Variants in PKNOX2 observed in about 807,000 individuals in gnomAD.
The protein encoded by PKNOX2 is homeobox protein PKNOX2.
PKNOX2 carries 14 observed loss-of-function variants against 53.1 expected under a neutral mutation model. That is an observed-to-expected ratio of 0.26 (90% CI 0.17 to 0.41). The LOEUF is 0.41. Ranked by LOEUF, PKNOX2 falls within the 10% of genes least tolerant of loss-of-function variation. The probability of loss-of-function intolerance (pLI) is 1.00; values close to 1 mark genes in which losing one functional copy is unlikely to be tolerated. For missense variants in PKNOX2, 496 were observed against 602.8 expected (o/e 0.82, Z 1.85); for synonymous variants, 257 against 242.8 (o/e 1.06, Z -0.54).
intron 2 of PKNOX2, among the ~76,000 whole-genome samples, chr11:125,250,064 T>C (rs1043964241): frequency 9.2e-5 from 4 of 43,444 alleles, no homozygotes; most frequent in South Asian, 1.0e-3. Flanking sequence ...AAACTCTGTC[T>C]CAAAAAAAAA....
chr11:125,233,758 A>C (rs913289591), intron 1 of PKNOX2, among the ~76,000 whole-genome samples: 3 of 152,208 alleles, frequency 2.0e-5, no homozygotes, highest in Non-Finnish European at 4.4e-5. Context: ...CCCATGCCTG[A>C]ATCTTCTAAC....
chr11:125,184,553 G>A (rs1956339267), intron 1 of PKNOX2, among the ~76,000 whole-genome samples: 1 of 152,198 alleles, frequency 6.6e-6, no homozygotes, highest in African/African-American at 2.4e-5. Flanking sequence ...AGACCCTACT[G>A]TGTGGTGGGG....
At chr11:125,272,090 C>T (rs2135795746) in intron 2 of PKNOX2, among the ~76,000 whole-genome samples, 1 of 152,364 alleles carries the variant, frequency 6.6e-6, no homozygotes, top group Middle Eastern at 3.4e-3. Flanking sequence ...ACCCTGGCCT[C>T]ATGCCTACTC....
intron 1 of PKNOX2, 46 bp downstream of exon 1, chr11:125,164,822 C>T: frequency 5.6e-6 from 1 of 178,360 alleles, no homozygotes; most frequent in Non-Finnish European, 1.1e-5. Context: ...TTGCAGGCGG[C>T]GGCGGCGGCG....
chr11:125,385,812 T>C (rs1200875896), intron 6 of PKNOX2, 90 bp downstream of exon 6: 1 of 1,469,764 alleles, frequency 6.8e-7, no homozygotes, highest in African/African-American at 1.5e-5. Context: ...TTCATTAATT[T>C]ACCAACAAAA....
intron 2 of PKNOX2, among the ~76,000 whole-genome samples, chr11:125,248,915 TAA>T (rs1943782002): frequency 8.3e-6 from 1 of 120,546 alleles, no homozygotes; most frequent in Admixed American, 8.4e-5. Context: ...CGTATATATA[TAA>T]CATATATAAT....
intron 5 of PKNOX2, among the ~76,000 whole-genome samples, chr11:125,372,875 G>A (rs1399196837): frequency 6.6e-6 from 1 of 152,228 alleles, no homozygotes; most frequent in Non-Finnish European, 1.5e-5. Flanking sequence ...GACCACCAGA[G>A]AGCTCATGCT....
At chr11:125,214,199 G>A (rs973500303) in intron 1 of PKNOX2, among the ~76,000 whole-genome samples, 1 of 152,086 alleles carries the variant, frequency 6.6e-6, no homozygotes, top group Non-Finnish European at 1.5e-5. Context: ...CTCTTGGAGG[G>A]TGGCTTGGAA....
chr11:125,417,702 C>T lies in PKNOX2; in HGVS notation c.936+5837C>T, dbSNP rs972258906. Among the ~76,000 whole-genome samples, 59 of 152,072 alleles carry T rather than the reference C, an allele frequency of 3.9e-4. 1 individual carries two copies. Among genetic ancestry groups the T allele is most frequent in the African/African-American group, 1.3e-3 (55 of 41,292 alleles). ...TGGGTAAAGCAAAGGGGAACCCCAA[C>T]GCCCAGCAGAGGCGTGGAGCCCCGT... is the stretch of plus-strand genomic sequence containing the variant. On this transcript the variant is annotated intron_variant, in intron 10 of 12. Transcript: ENST00000298282.
At chr11:125,378,086 G>A (rs1241076064) in intron 5 of PKNOX2, among the ~76,000 whole-genome samples, 1 of 152,234 alleles carries the variant, frequency 6.6e-6, no homozygotes, top group Non-Finnish European at 1.5e-5. Flanking sequence ...GTCTGTTTGG[G>A]AAAGTAGTTT....
chr11:125,269,733 C>T, intron 2 of PKNOX2, among the ~76,000 whole-genome samples: 1 of 152,216 alleles, frequency 6.6e-6, no homozygotes, highest in Admixed American at 6.5e-5. Context: ...TGGTCCAGGT[C>T]TCTTCAAGTG....
At chr11:125,181,451 C>T (rs376710421) in intron 1 of PKNOX2, among the ~76,000 whole-genome samples, 1 of 150,058 alleles carries the variant, frequency 6.7e-6, no homozygotes, top group Admixed American at 6.7e-5. Flanking sequence ...AGGCTTTGCC[C>T]TCTTGGTTTT....
chr11:125,316,177 C>T (rs950184101), intron 2 of PKNOX2, among the ~76,000 whole-genome samples: 3 of 152,186 alleles, frequency 2.0e-5, no homozygotes, highest in African/African-American at 7.2e-5. Flanking sequence ...CATTCCCAGC[C>T]AGTTGCTACT....
Position 125,165,378 on chromosome 11 carries a change from C to T in PKNOX2, c.-201+602C>T, listed in dbSNP as rs2135147757. ...CGGCCGGGCGCTCCGCGGGGAGAGG[C>T]TGGGAACCGCGGGCAGGCTCCAGGT... On this transcript the variant is annotated intron_variant, in intron 1 of 12. Coordinates refer to ENST00000298282, the MANE Select transcript of PKNOX2 (RefSeq NM_001382323.2). The surrounding 1 kb of genome is among the most constrained non-coding windows in gnomAD (Gnocchi z 4.5). Among the ~76,000 whole-genome samples, 1 of 152,236 alleles carries T rather than the reference C, an allele frequency of 6.6e-6. No homozygotes were observed. The highest frequency in any genetic ancestry group is 2.1e-4 in the South Asian group (1 of 4,830).
chr11:125,302,658 A>G (rs909289951), intron 2 of PKNOX2, among the ~76,000 whole-genome samples: 9 of 152,174 alleles, frequency 5.9e-5, no homozygotes, highest in Non-Finnish European at 1.2e-4. Flanking sequence ...CCCTGTTGCC[A>G]GGAGTCATCA....
At chr11:125,350,806 G>T (rs1032306518) in intron 3 of PKNOX2, among the ~76,000 whole-genome samples, 2 of 152,142 alleles carry the variant, frequency 1.3e-5, no homozygotes, top group African/African-American at 4.8e-5. Context: ...GAATCCCGTA[G>T]CTGGCCTGAG....
At chr11:125,415,508 C>T (rs1297268943) in intron 10 of PKNOX2, among the ~76,000 whole-genome samples, 1 of 152,084 alleles carries the variant, frequency 6.6e-6, no homozygotes, top group Non-Finnish European at 1.5e-5. Context: ...CTTGGCCTGC[C>T]ATAGTGTATT....
At chr11:125,222,787 A>ATG (rs760294528) in intron 1 of PKNOX2, among the ~76,000 whole-genome samples, 37 of 134,684 alleles carry the variant, frequency 2.7e-4, no homozygotes, top group East Asian at 1.3e-3. Flanking sequence ...GTATGTGTGT[A>ATG]TGTGTGTGTG....
chr11:125,176,778 A>C (rs905063164), intron 1 of PKNOX2, among the ~76,000 whole-genome samples: 1 of 152,164 alleles, frequency 6.6e-6, no homozygotes, highest in Non-Finnish European at 1.5e-5. Flanking sequence ...GGTGAGAGGA[A>C]GACAGCTGGG....
Sources: gnomAD v4.1 joint callset for allele counts (sites outside exome capture counted in the v4.1 genomes callset) on GRCh38, gnomAD v4.1.1 for gene constraint, Gnocchi (gnomAD v3.1) non-coding constraint, MANE v1.5 for transcripts, NCBI Gene and HGNC (gene_info 2026-07-23, HGNC 2026-07-21) for gene names.